SYT14: variants seen among roughly 807,000 people sequenced by gnomAD.
SYT14 encodes the protein synaptotagmin 14, also known as synaptotagmin-14.
SYT14 carries 32 observed loss-of-function variants against 74.2 expected under a neutral mutation model. The ratio of observed to expected loss-of-function variants is 0.43; its 90% CI spans 0.33 to 0.58. The LOEUF is 0.58. Among genes scored for constraint, SYT14 ranks in the 20% least tolerant of loss-of-function variants. The pLI is 0.05. For synonymous variants in SYT14, 298 were observed against 337.7 expected, an observed-to-expected ratio of 0.88 and a Z score of 1.29; for missense variants, 791 against 981.8, an observed-to-expected ratio of 0.81 and a Z score of 2.60.
In SYT14 at chr1:210,088,999, A is replaced by AG. The variant is rs371029655; in HGVS notation, c.1313-5321dup. Reference sequence around the variant, plus strand: ...CAACCGTCAATCTATCATCTACATTAGGTATTTCTTCTAATGCTATCCCTC... The same window carrying AG: ...CAACCGTCAATCTATCATCTACATTAGGGTATTTCTTCTAATGCTATCCCTC... On this transcript the variant is annotated intron_variant, in intron 5 of 9. Coordinates refer to ENST00000637265, the Ensembl canonical transcript of SYT14. 6.7e-3 allele frequency among the ~76,000 whole-genome samples: 1,012 copies of AG among 152,102 alleles called. 14 individuals carry two copies. The highest frequency in any genetic ancestry group is 0.023 in the African/African-American group (964 of 41,490).
At chr1:209,939,375 A>G (rs1293522345) in intron 1 of SYT14, among the ~76,000 whole-genome samples, 1 of 152,242 alleles carries the variant, frequency 6.6e-6, no homozygotes, top group East Asian at 1.9e-4. Flanking sequence ...TAAGTGATCA[A>G]TCACTGGTAG....
chr1:210,078,954 C>T (rs964462563), intron 5 of SYT14, among the ~76,000 whole-genome samples: 1 of 151,802 alleles, frequency 6.6e-6, no homozygotes, highest in South Asian at 2.1e-4. Context: ...GAGTTTTCAC[C>T]GTGTTTCCCA....
chr1:210,045,549 G>A (rs576158738), intron 5 of SYT14, among the ~76,000 whole-genome samples: 47 of 152,192 alleles, frequency 3.1e-4, no homozygotes, highest in South Asian at 1.9e-3. Context: ...TAAGATGAAG[G>A]CATTGAAAAG....
chr1:210,038,009 G>T (rs1337866635), intron 5 of SYT14, among the ~76,000 whole-genome samples: 1 of 151,900 alleles, frequency 6.6e-6, no homozygotes, highest in Non-Finnish European at 1.5e-5. Context: ...TTTCTCTCTC[G>T]ATGATCTGTC....
chr1:209,959,423 C>T (rs894508401), intron 2 of SYT14, among the ~76,000 whole-genome samples: 1 of 152,058 alleles, frequency 6.6e-6, no homozygotes, highest in African/African-American at 2.4e-5. Context: ...AGATTACAGG[C>T]GTGAGCCACC....
intron 4 of SYT14, among the ~76,000 whole-genome samples, chr1:210,017,803 A>G (rs115303205): frequency 6.6e-6 from 1 of 152,224 alleles, no homozygotes; most frequent in East Asian, 1.9e-4. Context: ...TCATACTGCT[A>G]ATAATTACTT....
At chr1:210,084,922 C>T (rs1052627944) in intron 5 of SYT14, among the ~76,000 whole-genome samples, 1 of 152,180 alleles carries the variant, frequency 6.6e-6, no homozygotes, top group Non-Finnish European at 1.5e-5. Context: ...CTCTAATCTC[C>T]GATGGTAGAC....
chr1:210,068,896 G>T (rs1162920778), intron 5 of SYT14, among the ~76,000 whole-genome samples: 1 of 150,992 alleles, frequency 6.6e-6, no homozygotes, highest in African/African-American at 2.4e-5. Context: ...GTCTTTTTTG[G>T]TTTCTAACAT....
intron 2 of SYT14, among the ~76,000 whole-genome samples, chr1:209,980,686 A>C (rs1293914484): frequency 1.3e-5 from 2 of 152,164 alleles, no homozygotes; most frequent in African/African-American, 4.8e-5. Context: ...TTCTCCCAGT[A>C]CCATTTATTA....
intron 2 of SYT14, among the ~76,000 whole-genome samples, chr1:209,993,254 C>T (rs2079726182): frequency 1.3e-5 from 2 of 152,196 alleles, no homozygotes; most frequent in African/African-American, 2.4e-5. Flanking sequence ...AGGGGCACAT[C>T]TGTTGTGCAA....
chr1:210,106,843 C>A (rs1005055505), intron 7 of SYT14, among the ~76,000 whole-genome samples: 16 of 152,132 alleles, frequency 1.1e-4, no homozygotes, highest in African/African-American at 3.4e-4. Flanking sequence ...TCCCAACAGT[C>A]CCCCAAAGTC....
At chr1:210,111,259 G>A (rs906729445) in intron 7 of SYT14, among the ~76,000 whole-genome samples, 6 of 152,234 alleles carry the variant, frequency 3.9e-5, no homozygotes, top group African/African-American at 1.4e-4. Context: ...TACAGTCAAA[G>A]GGGGTTGTTC....
At chr1:210,163,378 T>C (rs550820898) in exon 10 of SYT14, 16 of 453,774 alleles carry the variant, frequency 3.5e-5, no homozygotes, top group South Asian at 2.3e-4. Flanking sequence ...TTTTTTAATA[T>C]TTCTGGAAAG....
At chr1:209,971,562 G>C (rs952301991) in intron 2 of SYT14, among the ~76,000 whole-genome samples, 6 of 152,062 alleles carry the variant, frequency 3.9e-5, no homozygotes, top group Non-Finnish European at 8.8e-5. Context: ...TGTTCCTTTT[G>C]CTGCCTAGTT....
chr1:210,148,378 G>A (rs1376975166), intron 7 of SYT14, among the ~76,000 whole-genome samples: 1 of 152,012 alleles, frequency 6.6e-6, no homozygotes, highest in Non-Finnish European at 1.5e-5. Flanking sequence ...GCGTGGTGGC[G>A]GGCGCCTGTA....
At chr1:210,163,896 T>G (rs566996992) in exon 10 of SYT14, 1 of 453,740 alleles carries the variant, frequency 2.2e-6, no homozygotes, top group Admixed American at 2.4e-5. Context: ...AGGGAGCAGG[T>G]GTTGGCTCAG....
intron 2 of SYT14, among the ~76,000 whole-genome samples, chr1:209,982,772 A>G (rs1299102144): frequency 1.3e-5 from 2 of 152,198 alleles, no homozygotes; most frequent in African/African-American, 4.8e-5. Flanking sequence ...GAAGCAGCCA[A>G]ACTGTCTTTT....
intron 2 of SYT14, among the ~76,000 whole-genome samples, chr1:209,973,654 A>G (rs1470801534): frequency 6.6e-6 from 1 of 152,240 alleles, no homozygotes; most frequent in Non-Finnish European, 1.5e-5. Context: ...TATTGTGAAT[A>G]GTGCCGCTAT....
intron 7 of SYT14, among the ~76,000 whole-genome samples, chr1:210,139,699 T>C (rs923781877): frequency 2.0e-5 from 3 of 152,212 alleles, no homozygotes; most frequent in African/African-American, 7.2e-5. Context: ...GTTTTGCCTC[T>C]TCTGCACATT....
Sources: gnomAD v4.1 joint callset for allele counts (sites outside exome capture counted in the v4.1 genomes callset) on GRCh38, gnomAD v4.1.1 for gene constraint, MANE v1.5 for transcripts, NCBI Gene and HGNC (gene_info 2026-07-23, HGNC 2026-07-21) for gene names.